The following SGCG variants were observed in gnomAD, a reference collection of about 807,000 sequenced individuals.
The protein encoded by SGCG is gamma-sarcoglycan.
A neutral mutation model predicts 29.3 loss-of-function variants in SGCG; 26 were observed. That is an observed-to-expected ratio of 0.89 (90% CI 0.65 to 1.23). SGCG has a LOEUF of 1.23. Ranked by LOEUF, SGCG falls within the 50% of genes most tolerant of loss-of-function variation. The pLI, the probability that SGCG is intolerant of heterozygous loss-of-function variation, is 0.00. For synonymous variants in SGCG, 145 were observed against 129.7 expected, an observed-to-expected ratio of 1.12 and a Z score of -0.80; for missense variants, 353 against 356.0, an observed-to-expected ratio of 0.99 and a Z score of 0.07.
chr13:23,215,365 C>T (rs1878387234), intron 2 of SGCG, among the ~76,000 whole-genome samples: 2 of 152,048 alleles, frequency 1.3e-5, no homozygotes, highest in Non-Finnish European at 2.9e-5. Context: ...AATTACAAAC[C>T]AACTAATCTT....
intron 4 of SGCG, among the ~76,000 whole-genome samples, chr13:23,269,874 G>GTT (rs796558128): frequency 0.018 from 1,759 of 97,376 alleles, 49 homozygotes; most frequent in African/African-American, 0.038. Flanking sequence ...TGTTTTTTTT[G>GTT]TTTTTTTTGT....
the SGCG span, among the ~76,000 whole-genome samples, chr13:23,166,174 T>G: frequency 3.3e-5 from 5 of 152,258 alleles, no homozygotes; most frequent in African/African-American, 4.8e-5. Context: ...TAGTTGAAGG[T>G]TTTTGTACAA....
chr13:23,232,117 A>T (rs1320083593), intron 2 of SGCG, among the ~76,000 whole-genome samples: 1 of 141,934 alleles, frequency 7.0e-6, no homozygotes, highest in African/African-American at 2.5e-5. Context: ...AGATTCCATA[A>T]AGAAAAAAAA....
At chr13:23,269,831 G>A (rs1880789978) in intron 4 of SGCG, among the ~76,000 whole-genome samples, 1 of 137,476 alleles carries the variant, frequency 7.3e-6, no homozygotes, top group Non-Finnish European at 1.6e-5. Context: ...AATTGCATAT[G>A]TATTTTGTTT....
At chr13:23,250,456 T>TA (rs576098308) in intron 3 of SGCG, among the ~76,000 whole-genome samples, 174 bp from the exon 4 acceptor site, 71 of 152,290 alleles carry the variant, frequency 4.7e-4, no homozygotes, top group East Asian at 1.5e-3. Flanking sequence ...CTCAAAATGT[T>TA]AAAAAAATAT....
At chr13:23,162,575 G>A in the SGCG span, among the ~76,000 whole-genome samples, 6 of 152,110 alleles carry the variant, frequency 3.9e-5, no homozygotes, top group Non-Finnish European at 7.4e-5. Context: ...GCAGTGAGCC[G>A]AGATCAGGCC....
At chr13:23,322,627 A>G (rs1283479512) in intron 7 of SGCG, among the ~76,000 whole-genome samples, 2 of 152,194 alleles carry the variant, frequency 1.3e-5, no homozygotes, top group Non-Finnish European at 2.9e-5. Flanking sequence ...GTGCATCTCC[A>G]TACACCGGGT....
intron 1 of SGCG, among the ~76,000 whole-genome samples, chr13:23,182,985 T>A (rs1346181839): frequency 3.3e-5 from 5 of 152,226 alleles, no homozygotes; most frequent in African/African-American, 9.7e-5. Context: ...CGTGACTTCT[T>A]TAACTCTGTT....
chr13:23,296,730 C>G (rs1881924476), intron 6 of SGCG, among the ~76,000 whole-genome samples: 1 of 152,140 alleles, frequency 6.6e-6, no homozygotes, highest in South Asian at 2.1e-4. Flanking sequence ...TTTCCTCACC[C>G]TTTGGTATAT....
At chr13:23,178,001 G>A (rs1876614774), upstream of SGCG, among the ~76,000 whole-genome samples, 1 of 152,152 alleles carries the variant, frequency 6.6e-6, no homozygotes, top group Non-Finnish European at 1.5e-5. Flanking sequence ...AACTCCCCAG[G>A]ACAAGGCACA....
Position 23,196,545 on chromosome 13 carries a change from A to G in SGCG, c.1-7150A>G, listed in dbSNP as rs571970023. The stretch of plus-strand genomic sequence containing the variant: ...TCTTTAATTCAGGGTGAAGCTGAAC[A>G]TTTTTGGTATGTTTATTCGTCACGT... On this transcript the variant is annotated intron_variant, in intron 1 of 7. Transcript: ENST00000218867. 1.4e-4 allele frequency among the ~76,000 whole-genome samples: 21 copies of G among 152,218 alleles called. No individual in the cohort carries two copies. The South Asian group carries it at 4.3e-3, about 32-fold the overall frequency.
At chr13:23,262,138 C>A (rs1007167925) in intron 4 of SGCG, among the ~76,000 whole-genome samples, 2 of 151,914 alleles carry the variant, frequency 1.3e-5, no homozygotes, top group Admixed American at 1.3e-4. Flanking sequence ...AACATGATAA[C>A]TCGAACAGTA....
At chr13:23,291,806 GA>G (rs1046218063) in intron 5 of SGCG, among the ~76,000 whole-genome samples, 6 of 152,210 alleles carry the variant, frequency 3.9e-5, no homozygotes, top group Non-Finnish European at 7.3e-5. Flanking sequence ...TGGGGGAAAA[GA>G]ATTGACGCTG....
intron 2 of SGCG, among the ~76,000 whole-genome samples, chr13:23,233,777 CAGGAA>C (rs1360626308): frequency 6.6e-6 from 1 of 152,076 alleles, no homozygotes; most frequent in Non-Finnish European, 1.5e-5. Context: ...AGCATGAACG[CAGGAA>C]AGGGCCTAAG....
Position 23,203,451 on chromosome 13 carries a change from T to G in SGCG, c.1-244T>G, listed in dbSNP as rs113514818. 3.3e-3 allele frequency among the ~76,000 whole-genome samples: 506 copies of G among 152,326 alleles called. 2 individuals carry two copies. The highest frequency in any genetic ancestry group is 0.011 in the African/African-American group (477 of 41,576). The stretch of plus-strand genomic sequence containing the variant: ...CATTTGAAAATATGGTCACTAGATT[T>G]CAAACGTTTATCATATATAAAATAT... On this transcript the variant is annotated intron_variant, in intron 1 of 7. Transcript: ENST00000218867.
intron 5 of SGCG, among the ~76,000 whole-genome samples, chr13:23,289,010 C>G (rs1438951758): frequency 6.6e-6 from 1 of 152,110 alleles, no homozygotes; most frequent in African/African-American, 2.4e-5. Context: ...GTAGAAATGC[C>G]AGAGTCACCC....
chr13:23,291,870 G>A (rs1015152909), intron 5 of SGCG, among the ~76,000 whole-genome samples: 7 of 152,062 alleles, frequency 4.6e-5, no homozygotes, highest in African/African-American at 1.2e-4. Flanking sequence ...CAAGTAAATC[G>A]AGGGGCTGGG....
At chr13:23,282,859 T>C (rs1881359058) in intron 5 of SGCG, among the ~76,000 whole-genome samples, 1 of 152,180 alleles carries the variant, frequency 6.6e-6, no homozygotes, top group Non-Finnish European at 1.5e-5. Context: ...TTCTTAGCCA[T>C]TTAGTGGCAT....
chr13:23,164,118 A>G, the SGCG span, among the ~76,000 whole-genome samples: 1 of 152,030 alleles, frequency 6.6e-6, no homozygotes, highest in African/African-American at 2.4e-5. Flanking sequence ...TTTTTTCTTT[A>G]AGATTGTTGA....
Sources: allele counts gnomAD v4.1 joint callset (sites outside exome capture counted in the v4.1 genomes callset), GRCh38; gene constraint gnomAD v4.1.1; transcripts MANE v1.5; gene names NCBI Gene and HGNC (gene_info 2026-07-23, HGNC 2026-07-21).